Variants in ARVCF observed in about 807,000 individuals in gnomAD.
The protein encoded by ARVCF is splicing regulator ARVCF.
ARVCF carries 66 observed loss-of-function variants against 90.9 expected under a neutral mutation model. That is an observed-to-expected ratio of 0.73 (90% confidence interval 0.60 to 0.89). The LOEUF (loss-of-function observed/expected upper bound fraction) is 0.89. Among genes scored for constraint, ARVCF ranks in the 40% least tolerant of loss-of-function variants. ARVCF has a pLI of 0.00. For missense variants in ARVCF, 1,469 were observed against 1,382.3 expected (o/e 1.06, Z -1.00); for synonymous variants, 653 against 603.4 (o/e 1.08, Z -1.21).
intron 1 of ARVCF, among the ~76,000 whole-genome samples, chr22:20,014,783 G>T (rs757888361): frequency 6.6e-6 from 1 of 152,214 alleles, no homozygotes; most frequent in Non-Finnish European, 1.5e-5. Flanking sequence ...TCCACCCAGA[G>T]ACCGGGGATC....
intron 2 of ARVCF, among the ~76,000 whole-genome samples, chr22:19,999,699 C>T (rs1369632664): frequency 6.6e-6 from 1 of 152,042 alleles, no homozygotes; most frequent in African/African-American, 2.4e-5. Context: ...AGGGATCAGG[C>T]CTGGGTGGCT....
chr22:19,990,883 G>A (rs1352768421), intron 2 of ARVCF, 71 bp from the exon 3 acceptor site: 57 of 1,442,482 alleles, frequency 4.0e-5, no homozygotes, highest in East Asian at 7.5e-5. Flanking sequence ...GCCCCTGCCC[G>A]CCCCACTCAC....
At chr22:20,005,065 T>A (rs1459191763) in intron 2 of ARVCF, among the ~76,000 whole-genome samples, 1 of 152,138 alleles carries the variant, frequency 6.6e-6, no homozygotes, top group Non-Finnish European at 1.5e-5. Context: ...AAATGTATGT[T>A]CATCAAAGGA....
rs1402240013 is a variant in ARVCF at position 19,973,165 on chromosome 22, G to A, written c.2392C>T (p.Leu798=). The A allele has an allele frequency of 2.5e-6, 4 of 1,610,564 alleles. No homozygotes were observed. In the South Asian group the frequency reaches 3.3e-5, roughly 13 times the overall value. The change falls in exon 14 of 20, where the codon CTG becomes TTG. Residue 798 remains leucine (L), a synonymous_variant. Transcript: ENST00000263207. ...AACGCTGGCACCCCGCGTGCCTGCAGGAGCGAGCGCGCGTTATCCAGGCTG... is the reference window on the plus strand; with the variant it reads ...AACGCTGGCACCCCGCGTGCCTGCAAGAGCGAGCGCGCGTTATCCAGGCTG... ...SDSLDNARSL[L]QARGVPALVA...
At chr22:19,977,744 G>T (rs1307667942) in intron 8 of ARVCF, among the ~76,000 whole-genome samples, 158 bp from the exon 9 acceptor site, 1 of 152,232 alleles carries the variant, frequency 6.6e-6, no homozygotes, top group Non-Finnish European at 1.5e-5. Flanking sequence ...GCCAGGAAGG[G>T]TCCATGGGAG....
intron 11 of ARVCF, among the ~76,000 whole-genome samples, chr22:19,975,112 CT>C (rs1231717308): frequency 3.3e-5 from 5 of 152,350 alleles, no homozygotes; most frequent in African/African-American, 1.2e-4. Context: ...TGCATCAGCC[CT>C]GCTCTGCCTG....
chr22:20,010,921 G>A (rs141085922), intron 1 of ARVCF, among the ~76,000 whole-genome samples: 216 of 152,330 alleles, frequency 1.4e-3, no homozygotes, highest in African/African-American at 5.0e-3. Context: ...CCTAGAGTCC[G>A]CTCCCGCCTT....
intron 12 of ARVCF, 138 bp downstream of exon 12, chr22:19,973,974 A>C (rs1943001772): frequency 4.0e-6 from 6 of 1,486,734 alleles, no homozygotes. Context: ...CATTGCCCGC[A>C]GCCCATACAC....
At chr22:19,987,175 C>T (rs911709964) in intron 3 of ARVCF, 3 of 431,546 alleles carry the variant, frequency 7.0e-6, no homozygotes, top group African/African-American at 2.1e-5. Flanking sequence ...CTCGGCCGCT[C>T]GGGCTCAGGC....
chr22:19,967,575 C>T (rs1389205660), downstream of ARVCF: 2 of 367,182 alleles, frequency 5.4e-6, no homozygotes, highest in Non-Finnish European at 1.1e-5. Context: ...CCACCCACCA[C>T]CAGGACAGCT....
At chr22:20,001,769 G>A (rs1042484180) in intron 2 of ARVCF, among the ~76,000 whole-genome samples, 1 of 152,180 alleles carries the variant, frequency 6.6e-6, no homozygotes, top group African/African-American at 2.4e-5. Context: ...TCCAGCCTGG[G>A]CAACAAAAGC....
At position 19,978,999 on chromosome 22, in the gene ARVCF, A is replaced by G. The variant is rs1334062150; in HGVS notation, c.1478T>C (p.Val493Ala). Residue 493 changes from valine (V) to alanine (A), a missense_variant, in exon 7 of 20, where the codon GTG becomes GCG. Physicochemically the swap from Val to Ala is moderately conservative, Grantham distance 64. Transcript: ENST00000263207. ...CTCCCATCCTGAGTGGGGCACGATC[A>G]CCTCGTGGGTCAGCGTCTGCAGGCC... is the stretch of plus-strand genomic sequence containing the variant. ...DHGLQTLTHE[V>A]IVPHSGWERE... is the part of the protein sequence containing the mutation. The G allele has an allele frequency of 6.2e-7, 1 of 1,613,296 alleles. No individual in the cohort carries two copies. Among genetic ancestry groups the G allele is most frequent in the Middle Eastern group, 1.7e-4 (1 of 6,058 alleles).
intron 3 of ARVCF, among the ~76,000 whole-genome samples, chr22:19,985,263 C>G (rs933913437): frequency 6.6e-6 from 1 of 152,228 alleles, no homozygotes; most frequent in Non-Finnish European, 1.5e-5. Context: ...CCCCGCCCGG[C>G]CTCCCAGCAC....
At position 19,982,041 on chromosome 22, in the gene ARVCF, A is replaced by C. The variant is rs977561125; in HGVS notation, c.261T>G (p.Pro87=). 6 of 1,612,744 alleles carry C rather than the reference A, an allele frequency of 3.7e-6. No individual in the cohort carries two copies. The African/African-American group carries it at 8.0e-5, about 22-fold the overall frequency. The change falls in exon 4 of 20, where the codon CCT becomes CCG. Residue 87 remains proline (P), a synonymous_variant. Coordinates refer to ENST00000263207, the MANE Select transcript of ARVCF (RefSeq NM_001670.3). ...QASLATMPEA[P]DVLEETVTVE... is the part of the protein sequence containing the mutation. Reference sequence around the variant, plus strand: ...CCGTCACGGTCTCCTCCAGCACATCAGGTGCCTCCGGCATCGTGGCCAGTG... The same window carrying C: ...CCGTCACGGTCTCCTCCAGCACATCCGGTGCCTCCGGCATCGTGGCCAGTG...
At chr22:19,984,243 G>A (rs1943649164) in intron 3 of ARVCF, among the ~76,000 whole-genome samples, 1 of 152,170 alleles carries the variant, frequency 6.6e-6, no homozygotes, top group African/African-American at 2.4e-5. Flanking sequence ...GTAAGCGGGA[G>A]AGGAAAAGGG....
chr22:20,003,303 C>G (rs76952231), intron 2 of ARVCF, among the ~76,000 whole-genome samples: 103 of 152,294 alleles, frequency 6.8e-4, no homozygotes, highest in Admixed American at 1.1e-3. Context: ...TAACACCAAT[C>G]GTCCTCAAAC....
At chr22:20,016,370 T>A (rs1945156695) in intron 1 of ARVCF, among the ~76,000 whole-genome samples, 1 of 149,884 alleles carries the variant, frequency 6.7e-6, no homozygotes. Context: ...CGGCCCGGGG[T>A]CTCGGACGCC....
chr22:19,976,610 G>A (rs1943166680), intron 10 of ARVCF, 96 bp downstream of exon 10: 3 of 1,466,826 alleles, frequency 2.0e-6, no homozygotes, highest in Middle Eastern at 2.1e-4. Flanking sequence ...ATGAAGCCAG[G>A]GGTGGGGCAG....
Position 19,972,401 on chromosome 22 carries a change from T to C in ARVCF, c.2652A>G (p.Lys884=), listed in dbSNP as rs2146231510. The C allele has an allele frequency of 6.2e-7, 1 of 1,613,508 alleles. No homozygotes were observed. The highest frequency in any genetic ancestry group is 1.1e-5 in the South Asian group (1 of 91,080). The change falls in exon 17 of 20, where the codon AAA becomes AAG. Residue 884 remains lysine, a synonymous_variant. Transcript: ENST00000263207. ...PLVDKSLEGE[K]TGSRDVIPMD... is the part of the protein sequence containing the mutation. ...TGGGGATCACATCCCGGCTGCCAGT[T>C]TTCTCGCCCTCTGCAAGGCAGGAGG...
Sources: allele counts gnomAD v4.1 joint callset (sites outside exome capture counted in the v4.1 genomes callset), GRCh38; gene constraint gnomAD v4.1.1; transcripts MANE v1.5; gene names NCBI Gene and HGNC (gene_info 2026-07-23, HGNC 2026-07-21).